The following XIRP2 variants were observed in gnomAD, a reference collection of about 807,000 sequenced individuals.
XIRP2 encodes the protein xin actin-binding repeat-containing protein 2.
In XIRP2, 236 loss-of-function variants were observed where a neutral mutation model predicts 277.0. That is an observed-to-expected ratio of 0.85 (90% CI 0.77 to 0.95). The LOEUF is 0.95. Ranked by LOEUF, XIRP2 falls within the 40% of genes least tolerant of loss-of-function variation. The pLI is 0.00. For missense variants in XIRP2, 4,640 were observed against 4,157.5 expected (o/e 1.12, Z -3.19); for synonymous variants, 1,490 against 1,416.5 (o/e 1.05, Z -1.17).
chr2:166,899,475 G>A (rs1382167450), intron 1 of XIRP2, among the ~76,000 whole-genome samples: 3 of 151,966 alleles, frequency 2.0e-5, no homozygotes, highest in Admixed American at 6.6e-5. Flanking sequence ...CTTCCTTCCT[G>A]ATATTTCAAG....
chr2:167,114,311 G>C (rs920537075), intron 2 of XIRP2, among the ~76,000 whole-genome samples: 9 of 151,904 alleles, frequency 5.9e-5, no homozygotes, highest in African/African-American at 1.9e-4. Flanking sequence ...ATTTCTCTGA[G>C]GTTTTGTTTA....
chr2:166,926,008 A>G (rs144924084), intron 2 of XIRP2, among the ~76,000 whole-genome samples: 2,357 of 152,058 alleles, frequency 0.016, 23 homozygotes, highest in Non-Finnish European at 0.022. Context: ...CAGGAGTTTG[A>G]GGCTATAGTA....
At position 167,106,477 on chromosome 2, in the gene XIRP2, G is replaced by A. The variant is rs114738347; in HGVS notation, c.409-29432G>A. 3.2e-3 allele frequency among the ~76,000 whole-genome samples: 489 copies of A among 151,616 alleles called. 5 individuals carry two copies. Among genetic ancestry groups the A allele is most frequent in the African/African-American group, 0.011 (465 of 41,442 alleles). ...TGTACCTTTTTCAAAAATCAGTTAG[G>A]CATATTTATGTGACCTTTTTCCGGG... On this transcript the variant is annotated intron_variant, in intron 2 of 10. Transcript: ENST00000409195.
chr2:167,245,448 G>T lies in XIRP2; in HGVS notation c.4056G>T (p.Trp1352Cys). Residue 1352 changes from tryptophan to cysteine, a missense_variant, in exon 9 of 11, where the codon TGG becomes TGT. Coordinates refer to ENST00000409195, the MANE Select transcript of XIRP2 (RefSeq NM_152381.6). ...VIHGDVRGTR[W>C]LFETKPLDSI... ...ATGGAGATGTGCGAGGAACAAGGTG[G>T]CTTTTTGAAACAAAGCCATTAGACT... The T allele has an allele frequency of 6.2e-7, 1 of 1,613,580 alleles. No homozygotes were observed. Among genetic ancestry groups the T allele is most frequent in the Non-Finnish European group, 8.5e-7 (1 of 1,179,702 alleles).
At chr2:167,114,745 C>T (rs563838916) in intron 2 of XIRP2, among the ~76,000 whole-genome samples, 2,192 of 151,790 alleles carry the variant, frequency 0.014, 57 homozygotes, top group African/African-American at 0.051. Flanking sequence ...GATTTCCACT[C>T]TCATCCATGT....
chr2:167,029,986 CTAGTTTATTTGCA>C (rs1240782365), intron 2 of XIRP2, among the ~76,000 whole-genome samples: 1 of 152,000 alleles, frequency 6.6e-6, no homozygotes, highest in African/African-American at 2.4e-5. Flanking sequence ...ATAGATTTTT[CTAGTTTATTTGCA>C]TAGAGGTGTT....
At chr2:167,150,906 T>C (rs190479379) in intron 3 of XIRP2, among the ~76,000 whole-genome samples, 4 of 152,232 alleles carry the variant, frequency 2.6e-5, no homozygotes, top group African/African-American at 7.2e-5. Context: ...TTTAATTCCA[T>C]GTATTTTAGA....
intron 1 of XIRP2, among the ~76,000 whole-genome samples, chr2:166,892,979 TATACACACAC>T (rs1684145752): frequency 6.9e-6 from 1 of 145,890 alleles, no homozygotes; most frequent in African/African-American, 2.6e-5. Context: ...TATATATGTA[TATACACACAC>T]ACACACACAC....
chr2:166,933,530 A>G (rs1210222428), intron 2 of XIRP2, among the ~76,000 whole-genome samples: 1 of 151,900 alleles, frequency 6.6e-6, no homozygotes, highest in Non-Finnish European at 1.5e-5. Flanking sequence ...TCTCTAGCCA[A>G]GATCGTGCCA....
At position 167,259,373 on chromosome 2, in the gene XIRP2, G is replaced by A. The variant is rs1203514447; in HGVS notation, c.*1556G>A. The A allele has an allele frequency of 4.4e-6, 7 of 1,585,176 alleles. No individual in the cohort carries two copies. The highest frequency in any genetic ancestry group is 6.0e-6 in the Non-Finnish European group (7 of 1,167,934). ...CAGTGACACTGAGTAAAATATCTAT[G>A]GCCACTGACAGTCCACACTTAGGCA... On this transcript the variant is annotated 3_prime_UTR_variant, in exon 11 of 11. Coordinates refer to ENST00000409195, the MANE Select transcript of XIRP2 (RefSeq NM_152381.6).
rs780179120 is a variant in XIRP2 at position 167,251,081 on chromosome 2, G to A, written c.9689G>A (p.Arg3230His). Residue 3230 changes from arginine to histidine, a missense_variant, in exon 9 of 11, where the codon CGT becomes CAT. Arg to His is a conservative substitution (Grantham distance 29). Coordinates refer to ENST00000409195, the MANE Select transcript of XIRP2 (RefSeq NM_152381.6). Reference protein sequence around the residue: ...TLRRQIKIETRGRDSPPTITI... With the variant: ...TLRRQIKIETHGRDSPPTITI... ...CGTCGTCAAATTAAGATAGAAACTC[G>A]TGGTAGGGACTCTCCACCTACAATC... 4 of 1,613,442 alleles carry A rather than the reference G, an allele frequency of 2.5e-6. No individual in the cohort carries two copies. The highest frequency in any genetic ancestry group is 1.6e-4 in the Middle Eastern group (1 of 6,084).
chr2:167,133,726 A>G (rs1398899670), intron 2 of XIRP2, among the ~76,000 whole-genome samples: 1 of 152,164 alleles, frequency 6.6e-6, no homozygotes, highest in Non-Finnish European at 1.5e-5. Context: ...CAATGCTAGC[A>G]GTTGGATTAA....
chr2:166,953,244 C>T lies in XIRP2; in HGVS notation c.408+49354C>T, dbSNP rs576521098. ...GATATGGTTTGGCTGTTTCCCCACC[C>T]AAATCTCCTCTTGAATTGTAGCTCC... On this transcript the variant is annotated intron_variant, in intron 2 of 10. Coordinates refer to ENST00000409195, the MANE Select transcript of XIRP2 (RefSeq NM_152381.6). Among the ~76,000 whole-genome samples the T allele has an allele frequency of 6.7e-4, 102 of 152,014 alleles. 1 individual carries two copies. Among genetic ancestry groups the T allele is most frequent in the African/African-American group, 2.4e-3 (100 of 41,514 alleles).
At chr2:167,060,407 C>G (rs934362042) in intron 2 of XIRP2, among the ~76,000 whole-genome samples, 1 of 152,096 alleles carries the variant, frequency 6.6e-6, no homozygotes, top group Non-Finnish European at 1.5e-5. Flanking sequence ...TTTCCTGTAA[C>G]TCTCCTGCCA....
intron 3 of XIRP2, among the ~76,000 whole-genome samples, chr2:167,148,322 C>G (rs1315737505): frequency 6.7e-6 from 1 of 149,838 alleles, no homozygotes; most frequent in Non-Finnish European, 1.5e-5. Flanking sequence ...GCAGAGGTTG[C>G]AGTGAGCCGA....
chr2:167,052,614 T>A (rs546134372), intron 2 of XIRP2, among the ~76,000 whole-genome samples: 33 of 152,286 alleles, frequency 2.2e-4, no homozygotes, highest in Admixed American at 8.5e-4. Flanking sequence ...ATTTGTAAAA[T>A]GATGATTTAT....
chr2:167,236,541 A>C (rs1387575724), intron 5 of XIRP2, among the ~76,000 whole-genome samples: 3 of 152,046 alleles, frequency 2.0e-5, no homozygotes, highest in Non-Finnish European at 2.9e-5. Context: ...TTTAGATTTC[A>C]AAGTTAGAGC....
intron 6 of XIRP2, among the ~76,000 whole-genome samples, chr2:167,240,308 G>A (rs1287919728): frequency 2.6e-5 from 4 of 152,070 alleles, no homozygotes; most frequent in Non-Finnish European, 4.4e-5. Flanking sequence ...CCAGCTACTC[G>A]GGGGGCTGAG....
chr2:167,053,285 G>A (rs1423720584), intron 2 of XIRP2, among the ~76,000 whole-genome samples: 1 of 152,072 alleles, frequency 6.6e-6, no homozygotes, highest in Non-Finnish European at 1.5e-5. Context: ...ATATTTTCTT[G>A]CATGCCTATG....
Sources: gnomAD v4.1 joint callset for allele counts (sites outside exome capture counted in the v4.1 genomes callset) on GRCh38, gnomAD v4.1.1 for gene constraint, MANE v1.5 for transcripts, NCBI Gene and HGNC (gene_info 2026-07-23, HGNC 2026-07-21) for gene names.